Variants in MYO9A observed in about 807,000 individuals in gnomAD.
The protein encoded by MYO9A is myosin IXA, also known as unconventional myosin-IXa.
MYO9A carries 103 observed loss-of-function variants against 293.3 expected under a neutral mutation model. The ratio of observed to expected loss-of-function variants is 0.35; its 90% CI spans 0.30 to 0.41. The LOEUF (loss-of-function observed/expected upper bound fraction) is 0.41, where lower values mean the gene tolerates loss of function less well. Among genes scored for constraint, MYO9A ranks in the 10% least tolerant of loss-of-function variants. The probability of loss-of-function intolerance (pLI) is 1.00; values close to 1 mark genes in which losing one functional copy is unlikely to be tolerated. For synonymous variants in MYO9A, 1,001 were observed against 1,035.7 expected, an observed-to-expected ratio of 0.97 and a Z score of 0.64; for missense variants, 2,685 against 3,033.0, an observed-to-expected ratio of 0.89 and a Z score of 2.69.
intron 1 of MYO9A, among the ~76,000 whole-genome samples, chr15:72,098,804 C>T (rs1056140748): frequency 6.6e-6 from 1 of 151,656 alleles, no homozygotes; most frequent in African/African-American, 2.4e-5. Flanking sequence ...AGACCACACC[C>T]CCATCTCAAA....
chr15:72,038,075 T>C (rs751553737), intron 2 of MYO9A, among the ~76,000 whole-genome samples: 10 of 151,958 alleles, frequency 6.6e-5, no homozygotes, highest in Non-Finnish European at 1.2e-4. Context: ...TACCAACACA[T>C]CCAGCTAATT....
At chr15:72,010,990 T>C (rs1356075416) in intron 6 of MYO9A, among the ~76,000 whole-genome samples, 2 of 152,022 alleles carry the variant, frequency 1.3e-5, no homozygotes, top group Non-Finnish European at 2.9e-5. Context: ...AATCTATATT[T>C]ATATAGATCT....
At chr15:71,913,696 T>C (rs1726788835) in intron 19 of MYO9A, among the ~76,000 whole-genome samples, 1 of 152,184 alleles carries the variant, frequency 6.6e-6, no homozygotes. Context: ...TTTTGTTGTA[T>C]TCCTTTAAAG....
chr15:72,016,741 CGGA>C (rs2077350947), intron 6 of MYO9A, among the ~76,000 whole-genome samples: 1 of 151,930 alleles, frequency 6.6e-6, no homozygotes, highest in Admixed American at 6.6e-5. Context: ...ACACAATAAA[CGGA>C]TAATGGTGAT....
chr15:71,904,691 A>C (rs1017056518), intron 20 of MYO9A, among the ~76,000 whole-genome samples: 1 of 152,160 alleles, frequency 6.6e-6, no homozygotes, highest in Non-Finnish European at 1.5e-5. Context: ...TTCTTTTCTG[A>C]CAGGACTTCA....
Position 71,852,302 on chromosome 15 carries a change from CAA to C in MYO9A, c.6347-44_6347-43del, listed in dbSNP as rs745602541. On this transcript the variant is annotated intron_variant, in intron 35 of 41. Transcript: ENST00000356056. ...GTTAGATTAACAGAGCCAAAACATG[CAA>C]AGAGATTCAAATAATTCACTTTAGA... 103 of 1,522,240 alleles carry C rather than the reference CAA, an allele frequency of 6.8e-5. No individual in the cohort carries two copies. In the African/African-American group the frequency reaches 1.3e-3, roughly 19 times the overall value. 94.3% of individuals were successfully genotyped at this position (1,522,240 alleles called of 1,614,324 possible). A position where few individuals can be genotyped will look rare whatever the true frequency, so the allele number is the denominator to read the frequency against.
At chr15:71,853,755 A>T (rs1203662427) in intron 35 of MYO9A, among the ~76,000 whole-genome samples, 5 of 152,248 alleles carry the variant, frequency 3.3e-5, no homozygotes, top group Non-Finnish European at 7.3e-5. Flanking sequence ...CTACAAAGAT[A>T]CATGCTCAAC....
intron 14 of MYO9A, among the ~76,000 whole-genome samples, chr15:71,957,337 T>C (rs2059227687): frequency 1.3e-5 from 2 of 152,172 alleles, no homozygotes; most frequent in Non-Finnish European, 2.9e-5. Flanking sequence ...CAAAGTTGTT[T>C]TGACAATTTT....
intron 2 of MYO9A, among the ~76,000 whole-genome samples, chr15:72,034,249 C>T (rs1340086924): frequency 6.6e-6 from 1 of 152,144 alleles, no homozygotes; most frequent in African/African-American, 2.4e-5. Context: ...GAATGAGAAA[C>T]TCTGAGGATA....
chr15:71,878,274 C>T, intron 30 of MYO9A, 43 bp from the exon 31 acceptor site: 1 of 1,350,654 alleles, frequency 7.4e-7, no homozygotes, highest in Non-Finnish European at 1.0e-6. Flanking sequence ...TATAAAGAAA[C>T]TCCTTAAATA....
At chr15:71,935,157 T>C in intron 17 of MYO9A, 184 bp downstream of exon 17, 1 of 589,318 alleles carries the variant, frequency 1.7e-6, no homozygotes, top group Admixed American at 3.2e-5. Flanking sequence ...ACACAAGCTT[T>C]ATAACACATG....
chr15:71,857,867 G>C (rs550699390), intron 34 of MYO9A, among the ~76,000 whole-genome samples: 1 of 152,290 alleles, frequency 6.6e-6, no homozygotes, highest in East Asian at 1.9e-4. Context: ...TCTGACAAAG[G>C]GCTAATATCC....
At chr15:71,853,387 A>T (rs6494973) in intron 35 of MYO9A, among the ~76,000 whole-genome samples, 69,039 of 152,098 alleles carry the variant, frequency 0.45, 20,717 homozygotes, top group African/African-American at 0.85. Flanking sequence ...CTCCCTAAGG[A>T]TATACAGATT....
intron 1 of MYO9A, among the ~76,000 whole-genome samples, chr15:72,112,962 T>A (rs970590561): frequency 1.3e-5 from 2 of 152,214 alleles, no homozygotes; most frequent in African/African-American, 4.8e-5. Flanking sequence ...CTGGGCACAG[T>A]GGCTCAGCCT....
At chr15:72,073,393 A>G (rs749534381) in intron 1 of MYO9A, among the ~76,000 whole-genome samples, 10 of 152,210 alleles carry the variant, frequency 6.6e-5, no homozygotes, top group Admixed American at 1.3e-4. Context: ...AAATAATACC[A>G]TCTTGCAACA....
intron 15 of MYO9A, among the ~76,000 whole-genome samples, chr15:71,942,623 C>T (rs1194324976): frequency 6.6e-6 from 1 of 151,864 alleles, no homozygotes; most frequent in Non-Finnish European, 1.5e-5. Flanking sequence ...ATACTTTCTG[C>T]TTTATTTATC....
intron 9 of MYO9A, among the ~76,000 whole-genome samples, chr15:71,997,828 C>T (rs891937180): frequency 1.3e-5 from 2 of 152,070 alleles, no homozygotes; most frequent in Admixed American, 1.3e-4. Flanking sequence ...ACGACAGATG[C>T]TGGTGAGGTT....
chr15:71,936,588 C>T (rs1207817151), intron 16 of MYO9A, among the ~76,000 whole-genome samples: 2 of 152,024 alleles, frequency 1.3e-5, no homozygotes, highest in Non-Finnish European at 2.9e-5. Flanking sequence ...AAACATCACA[C>T]TGTACCTGAT....
intron 1 of MYO9A, among the ~76,000 whole-genome samples, chr15:72,048,636 T>C (rs1317401466): frequency 6.6e-6 from 1 of 152,174 alleles, no homozygotes; most frequent in African/African-American, 2.4e-5. Flanking sequence ...TACAGTCCTA[T>C]AATAAATTTT....
Sources: allele counts gnomAD v4.1 joint callset (sites outside exome capture counted in the v4.1 genomes callset), GRCh38; gene constraint gnomAD v4.1.1; transcripts MANE v1.5; gene names NCBI Gene and HGNC (gene_info 2026-07-23, HGNC 2026-07-21).